The following FAH variants were observed in gnomAD, a reference collection of about 807,000 sequenced individuals.
FAH encodes fumarylacetoacetate hydrolase, also known as fumarylacetoacetase.
A neutral mutation model predicts 55.8 loss-of-function variants in FAH; 47 were observed. The ratio of observed to expected loss-of-function variants is 0.84; its 90% CI spans 0.67 to 1.07. FAH has a LOEUF of 1.07. Ranked by LOEUF, FAH falls within the 50% of genes least tolerant of loss-of-function variation. The pLI is 0.00. For missense variants in FAH, 495 were observed against 545.9 expected (o/e 0.91, Z 0.93); for synonymous variants, 199 against 207.7 (o/e 0.96, Z 0.36).
intron 12 of FAH, 135 bp downstream of exon 12, chr15:80,180,360 C>G (rs772714850): frequency 2.8e-6 from 2 of 705,936 alleles, no homozygotes; most frequent in African/African-American, 1.7e-5. Flanking sequence ...CTGTCTTCCT[C>G]GTAGCCTTTC....
At chr15:80,155,407 C>G (rs2041089784) in intron 1 of FAH, among the ~76,000 whole-genome samples, 1 of 151,986 alleles carries the variant, frequency 6.6e-6, no homozygotes. Context: ...AGTTATTGTC[C>G]CCATTCTACA....
chr15:80,159,581 T>C (rs545193353), intron 2 of FAH, among the ~76,000 whole-genome samples, 175 bp from the exon 3 acceptor site: 39 of 152,322 alleles, frequency 2.6e-4, no homozygotes, highest in Admixed American at 2.2e-3. Flanking sequence ...AGAGAGGATA[T>C]GCTTTTCTCC....
At chr15:80,155,432 G>A (rs545011067) in intron 1 of FAH, among the ~76,000 whole-genome samples, 1 of 152,286 alleles carries the variant, frequency 6.6e-6, no homozygotes, top group African/African-American at 2.4e-5. Context: ...AGGAAACTGA[G>A]GTCCAGAGAG....
chr15:80,174,613 C>T (rs2041267365), intron 9 of FAH, among the ~76,000 whole-genome samples: 1 of 152,198 alleles, frequency 6.6e-6, no homozygotes, highest in Non-Finnish European at 1.5e-5. Flanking sequence ...GGGCTGTCTA[C>T]TTCTGTTGTG....
chr15:80,157,934 C>A (rs2041112524), intron 1 of FAH, 126 bp from the exon 2 acceptor site: 2 of 745,736 alleles, frequency 2.7e-6, no homozygotes, highest in Non-Finnish European at 4.9e-6. Context: ...GTTCTTCAGT[C>A]CGCTCTGCAT....
At chr15:80,160,022 C>A (rs2041135256) in intron 3 of FAH, 145 bp downstream of exon 3, 4 of 1,120,688 alleles carry the variant, frequency 3.6e-6, no homozygotes, top group Non-Finnish European at 5.1e-6. Context: ...CCTGCCTGAG[C>A]TGCCTATTGA....
At chr15:80,168,731 G>A (rs1482485723) in intron 7 of FAH, among the ~76,000 whole-genome samples, 3 of 152,158 alleles carry the variant, frequency 2.0e-5, no homozygotes, top group Admixed American at 6.5e-5. Context: ...TTGCAGATCT[G>A]TGCTTTTTTG....
chr15:80,159,025 G>A (rs1227155287), intron 2 of FAH, among the ~76,000 whole-genome samples: 2 of 151,978 alleles, frequency 1.3e-5, no homozygotes, highest in Non-Finnish European at 2.9e-5. Context: ...ATCACTTGAG[G>A]TCAGGAGTTC....
intron 7 of FAH, 152 bp from the exon 8 acceptor site, chr15:80,171,997 T>A (rs982718469): frequency 5.5e-6 from 4 of 726,554 alleles, no homozygotes; most frequent in Non-Finnish European, 1.0e-5. Flanking sequence ...ATCTGACCTC[T>A]GACTTAGAAA....
intron 7 of FAH, 127 bp downstream of exon 7, chr15:80,168,443 G>C: frequency 2.2e-6 from 2 of 889,462 alleles, no homozygotes; most frequent in Admixed American, 1.8e-5. Flanking sequence ...CAGCCGCTCT[G>C]TGTCCCCACC....
At chr15:80,160,566 G>C (rs553590486) in intron 4 of FAH, 107 bp downstream of exon 4, 1 of 1,093,196 alleles carries the variant, frequency 9.1e-7, no homozygotes, top group Non-Finnish European at 1.4e-6. Context: ...CTGCTGGTGG[G>C]GGGAGATGGA....
intron 13 of FAH, among the ~76,000 whole-genome samples, chr15:80,182,402 T>C (rs1415770103): frequency 6.6e-6 from 1 of 152,240 alleles, no homozygotes; most frequent in Non-Finnish European, 1.5e-5. Context: ...ACATAGTGCA[T>C]GCCCAGTGTG....
In FAH at chr15:80,186,242, C is replaced by T; in HGVS notation, c.*33C>T. 2 of 1,489,974 alleles carry T rather than the reference C, an allele frequency of 1.3e-6. No individual in the cohort carries two copies. Among genetic ancestry groups the T allele is most frequent in the Non-Finnish European group, 1.9e-6 (2 of 1,070,016 alleles). The allele number at this position is 1,489,974 out of a possible 1,614,324, so 92.3% of individuals were successfully genotyped here. ...TCTGCTCTTCTGGAAACAAAGGGCT[C>T]AAGCACCCCTTTCAACCCTGTGACT... On this transcript the variant is annotated 3_prime_UTR_variant, in exon 14 of 14. Coordinates refer to ENST00000561421, the MANE Select transcript of FAH (RefSeq NM_000137.4).
intron 5 of FAH, among the ~76,000 whole-genome samples, chr15:80,167,720 C>T (rs1018773450): frequency 4.6e-5 from 7 of 152,088 alleles, no homozygotes; most frequent in Middle Eastern, 3.4e-3. Flanking sequence ...TTAGTAAAGA[C>T]GGGGTTTCAC....
chr15:80,153,269 C>T (rs2041069712), intron 1 of FAH, 134 bp downstream of exon 1: 2 of 765,436 alleles, frequency 2.6e-6, no homozygotes, highest in African/African-American at 1.7e-5. Flanking sequence ...TCTTAAGATT[C>T]GTTCCGTGAG....
At chr15:80,184,699 C>A (rs939021657) in intron 13 of FAH, among the ~76,000 whole-genome samples, 12 of 152,166 alleles carry the variant, frequency 7.9e-5, no homozygotes, top group African/African-American at 2.9e-4. Context: ...GGCATCCCTG[C>A]ATGTTGTCAG....
chr15:80,170,934 G>A (rs1024863920), intron 7 of FAH, among the ~76,000 whole-genome samples: 6 of 152,048 alleles, frequency 3.9e-5, no homozygotes, highest in African/African-American at 9.7e-5. Context: ...TGGACATCAC[G>A]TTGGTGCTGT....
Position 80,160,356 on chromosome 15 carries a change from G to A in FAH, c.315-54G>A, listed in dbSNP as rs2041137733. The A allele has an allele frequency of 3.2e-6, 5 of 1,571,936 alleles. No individual in the cohort carries two copies. In the East Asian group the frequency reaches 9.0e-5, roughly 28 times the overall value. On this transcript the variant is annotated intron_variant, in intron 3 of 13. Coordinates refer to ENST00000561421, the MANE Select transcript of FAH (RefSeq NM_000137.4). ...GATGGTCTGGGCTGAGCCCGTGGGTGGGACCGCGCTTTGCTGCCTACTTGA... is the reference window on the plus strand; with the variant it reads ...GATGGTCTGGGCTGAGCCCGTGGGTAGGACCGCGCTTTGCTGCCTACTTGA...
chr15:80,173,779 C>A, intron 9 of FAH: 1 of 170,114 alleles, frequency 5.9e-6, no homozygotes. Flanking sequence ...ATTCCCTCAC[C>A]CCTTGGTTTC....
Sources: allele counts gnomAD v4.1 joint callset (sites outside exome capture counted in the v4.1 genomes callset), GRCh38; gene constraint gnomAD v4.1.1; transcripts MANE v1.5; gene names NCBI Gene and HGNC (gene_info 2026-07-23, HGNC 2026-07-21).